The following ZBTB16 variants were observed in gnomAD, a reference collection of about 807,000 sequenced individuals.
ZBTB16 encodes zinc finger and BTB domain containing 16, also known as zinc finger and BTB domain-containing protein 16.
In ZBTB16, 8 loss-of-function variants were observed where a neutral mutation model predicts 56.8. That is an observed-to-expected ratio of 0.14 (90% CI 0.08 to 0.25). The LOEUF is 0.25. ZBTB16 is among the 10% of genes least tolerant of loss of function. The pLI is 1.00. For missense variants in ZBTB16, 625 were observed against 903.0 expected (o/e 0.69, Z 3.95); for synonymous variants, 363 against 368.5 (o/e 0.98, Z 0.17).
intron 2 of ZBTB16, among the ~76,000 whole-genome samples, chr11:114,089,297 C>G (rs670955): frequency 0.32 from 48,528 of 152,106 alleles, 8,111 homozygotes; most frequent in South Asian, 0.41. Context: ...TATTCAGTAT[C>G]TCTTGCTGGC....
At chr11:114,241,783 T>G (rs1036562527) in intron 4 of ZBTB16, among the ~76,000 whole-genome samples, 7 of 152,154 alleles carry the variant, frequency 4.6e-5, no homozygotes, top group Admixed American at 2.0e-4. Context: ...TTGTTATTGT[T>G]TTTTCTCGCA....
At position 114,060,081 on chromosome 11, in the gene ZBTB16, C is replaced by T. The variant is rs1046838873; in HGVS notation, c.-91+199C>T. Among the ~76,000 whole-genome samples, 1 of 152,190 alleles carries T rather than the reference C, an allele frequency of 6.6e-6. No individual in the cohort carries two copies. The highest frequency in any genetic ancestry group is 1.5e-5 in the Non-Finnish European group (1 of 68,038). On this transcript the variant is annotated intron_variant, in intron 1 of 6. Transcript: ENST00000335953. The surrounding 1 kb of genome is among the most constrained non-coding windows in gnomAD (Gnocchi z 6.0). ...GTTGGGGGTCGGCTAGAAGGGGGAG[C>T]CCCGGCTGTCAGCCTGGGCGCAGCT...
chr11:114,088,569 G>C (rs1225279432), intron 2 of ZBTB16, among the ~76,000 whole-genome samples: 1 of 152,162 alleles, frequency 6.6e-6, no homozygotes, highest in African/African-American at 2.4e-5. Flanking sequence ...TCAGAGTCTA[G>C]TGCCCTGGAC....
chr11:114,253,894 C>T lies in ZBTB16; in HGVS notation c.*3339C>T, dbSNP rs1187774471. ...GTGGGATCTGAATATCTGTCCTCCC[C>T]TCTTCTTCATGCCACCTGACTCCTT... On this transcript the variant is annotated 3_prime_UTR_variant, in exon 7 of 7. Coordinates refer to ENST00000335953, the MANE Select transcript of ZBTB16 (RefSeq NM_006006.6). 1.3e-5 allele frequency among the ~76,000 whole-genome samples: 2 copies of T among 152,128 alleles called. No individual in the cohort carries two copies. The highest frequency in any genetic ancestry group is 2.4e-5 in the African/African-American group (1 of 41,420).
rs140707307 is a variant in ZBTB16, at chr11:114,255,517, C to T, written c.*4962C>T. 3.0e-3 allele frequency among the ~76,000 whole-genome samples: 459 copies of T among 151,214 alleles called. 4 individuals carry two copies. The highest frequency in any genetic ancestry group is 0.024 in the South Asian group (115 of 4,706). ...CTCCCCGTCTCATTTCTGTCCACTC[C>T]ATTCTCTCTCCCTCTCTCCTGCCTC... On this transcript the variant is annotated 3_prime_UTR_variant, in exon 7 of 7. Transcript: ENST00000335953.
chr11:114,189,237 TAAAC>T (rs1298065508), intron 4 of ZBTB16: 1 of 152,118 alleles, frequency 6.6e-6, no homozygotes, highest in Admixed American at 6.5e-5. Flanking sequence ...TCAAAAAACA[TAAAC>T]AAATAATCAA....
At chr11:114,062,069 C>A (rs1017878618) in intron 1 of ZBTB16, among the ~76,000 whole-genome samples, 1 of 151,974 alleles carries the variant, frequency 6.6e-6, no homozygotes, top group Non-Finnish European at 1.5e-5. Flanking sequence ...AGGTACGACA[C>A]CTTACGTAAG....
rs769965545 is a variant in ZBTB16, at chr11:114,063,926, T to C, written c.626T>C (p.Ile209Thr). The change falls in exon 2 of 7, where the codon ATA becomes ACA. Residue 209 changes from isoleucine to threonine, a missense_variant. Around this residue, in one of 6 missense-constraint regions of ZBTB16, gnomAD observed 384 missense variants for 393.5 expected, o/e 0.98. Transcript: ENST00000335953. The surrounding 1 kb of genome is among the most constrained non-coding windows in gnomAD (Gnocchi z 6.5). ...GCTGCAGTGGACAGTTTGATGACCATAGGACAGTCTCTCCTGCAGGGAACT... is the reference window on the plus strand; with the variant it reads ...GCTGCAGTGGACAGTTTGATGACCACAGGACAGTCTCTCCTGCAGGGAACT... ...TKAAVDSLMT[I>T]GQSLLQGTLQ... 4 of 1,613,712 alleles carry C rather than the reference T, an allele frequency of 2.5e-6. No individual in the cohort carries two copies. The highest frequency in any genetic ancestry group is 2.2e-5 in the East Asian group (1 of 44,890).
intron 4 of ZBTB16, among the ~76,000 whole-genome samples, chr11:114,223,489 A>T (rs1944277151): frequency 6.6e-6 from 1 of 152,058 alleles, no homozygotes; most frequent in South Asian, 2.1e-4. Flanking sequence ...GAAAATTATG[A>T]CTTGCCTGGA....
chr11:114,085,083 C>T (rs767097237), intron 2 of ZBTB16, among the ~76,000 whole-genome samples: 2 of 152,170 alleles, frequency 1.3e-5, no homozygotes, highest in African/African-American at 2.4e-5. Flanking sequence ...AGGATTTTGA[C>T]GATACCTCTG....
Position 114,255,210 on chromosome 11 carries a change from G to A in ZBTB16, c.*4655G>A, listed in dbSNP as rs963719455. 2.6e-5 allele frequency among the ~76,000 whole-genome samples: 4 copies of A among 152,262 alleles called. No individual in the cohort carries two copies. In the South Asian group the frequency reaches 6.2e-4, roughly 24 times the overall value. On this transcript the variant is annotated 3_prime_UTR_variant, in exon 7 of 7. Transcript: ENST00000335953. ...TGGTTTGGGTATTATGTTTCGTTTT[G>A]TTATTTGTTTGTTTTTGTGGCTTGT...
chr11:114,188,930 A>G (rs1333751929), intron 4 of ZBTB16: 1 of 152,220 alleles, frequency 6.6e-6, no homozygotes, highest in Non-Finnish European at 1.5e-5. Flanking sequence ...TGAGCCACTC[A>G]AAAATTTCTG....
At chr11:114,116,806 A>G (rs547527321) in intron 2 of ZBTB16, among the ~76,000 whole-genome samples, 1 of 152,356 alleles carries the variant, frequency 6.6e-6, no homozygotes, top group South Asian at 2.1e-4. Context: ...TGACTTATTT[A>G]TTCAATGAGT....
chr11:114,107,915 C>A (rs1048721539), intron 2 of ZBTB16, among the ~76,000 whole-genome samples: 15 of 143,638 alleles, frequency 1.0e-4, no homozygotes, highest in Admixed American at 9.7e-4. Flanking sequence ...AAATTTGGGA[C>A]TTTTTTTTTT....
intron 2 of ZBTB16, among the ~76,000 whole-genome samples, chr11:114,117,715 T>A (rs1941215601): frequency 1.3e-5 from 2 of 152,166 alleles, no homozygotes; most frequent in African/African-American, 4.8e-5. Context: ...TTGCAGTGGG[T>A]CTTGAAGGAA....
At chr11:114,165,441 G>C (rs1158045315) in intron 3 of ZBTB16, among the ~76,000 whole-genome samples, 2 of 152,240 alleles carry the variant, frequency 1.3e-5, no homozygotes, top group African/African-American at 2.4e-5. Context: ...CTGTGCACCT[G>C]AGTGCAGGAC....
chr11:114,085,406 G>A (rs1939923572), intron 2 of ZBTB16, among the ~76,000 whole-genome samples: 1 of 152,164 alleles, frequency 6.6e-6, no homozygotes, highest in East Asian at 1.9e-4. Context: ...TGTACTAGGT[G>A]GTTGCTAAAT....
chr11:114,104,710 G>A (rs962942289), intron 2 of ZBTB16, among the ~76,000 whole-genome samples: 2 of 152,228 alleles, frequency 1.3e-5, no homozygotes, highest in African/African-American at 4.8e-5. Context: ...GACTCAGCCT[G>A]CGAAATAGGA....
At chr11:114,074,887 G>A (rs1672692) in intron 2 of ZBTB16, among the ~76,000 whole-genome samples, 25,704 of 152,196 alleles carry the variant, frequency 0.17, 2,254 homozygotes, top group Middle Eastern at 0.29. Flanking sequence ...CATATGTAAA[G>A]AGGGAATCAT....
Sources: allele counts gnomAD v4.1 joint callset (sites outside exome capture counted in the v4.1 genomes callset), GRCh38; gene constraint gnomAD v4.1.1; regional missense constraint gnomAD v4.1.1; non-coding constraint Gnocchi (gnomAD v3.1); transcripts MANE v1.5; gene names NCBI Gene and HGNC (gene_info 2026-07-23, HGNC 2026-07-21).